The following KAT6B variants were observed in gnomAD, a reference collection of about 807,000 sequenced individuals.
KAT6B encodes the protein histone acetyltransferase KAT6B.
In KAT6B, 10 loss-of-function variants were observed where a neutral mutation model predicts 187.5. The ratio of observed to expected loss-of-function variants is 0.05; its 90% CI spans 0.03 to 0.09. The LOEUF is 0.09. Ranked by LOEUF, KAT6B falls within the 10% of genes least tolerant of loss-of-function variation. KAT6B has a pLI of 1.00. For missense variants in KAT6B, 1,952 were observed against 2,558.9 expected (o/e 0.76, Z 5.12); for synonymous variants, 861 against 926.8 (o/e 0.93, Z 1.29).
At chr10:74,971,737 A>G (rs1175076945) in intron 6 of KAT6B, among the ~76,000 whole-genome samples, 2 of 152,070 alleles carry the variant, frequency 1.3e-5, no homozygotes, top group East Asian at 3.9e-4. Flanking sequence ...TCATGCTTAG[A>G]TTATATAAAT....
At chr10:74,856,635 A>C (rs946047533) in intron 3 of KAT6B, among the ~76,000 whole-genome samples, 2 of 152,104 alleles carry the variant, frequency 1.3e-5, no homozygotes, top group Non-Finnish European at 2.9e-5. Flanking sequence ...GTGGTGGCTC[A>C]CACCTATAAT....
At chr10:74,869,057 A>G (rs1257583864) in intron 3 of KAT6B, among the ~76,000 whole-genome samples, 1 of 152,218 alleles carries the variant, frequency 6.6e-6, no homozygotes, top group Non-Finnish European at 1.5e-5. Context: ...TTCAGATTCT[A>G]TGTCTATACT....
chr10:74,829,021 AAAG>A, intron 1 of KAT6B, among the ~76,000 whole-genome samples: 1 of 151,432 alleles, frequency 6.6e-6, no homozygotes, highest in South Asian at 2.1e-4. Context: ...AAAAAAAAAA[AAAG>A]AAAAGAAAAG....
chr10:75,002,159 G>A (rs1843881982), intron 13 of KAT6B, among the ~76,000 whole-genome samples: 4 of 152,156 alleles, frequency 2.6e-5, no homozygotes, highest in Non-Finnish European at 2.9e-5. Flanking sequence ...CTCAGGAGCT[G>A]TGTAAATTCT....
At chr10:74,832,815 A>T (rs2131968492) in intron 1 of KAT6B, among the ~76,000 whole-genome samples, 1 of 151,858 alleles carries the variant, frequency 6.6e-6, no homozygotes, top group East Asian at 2.0e-4. Flanking sequence ...TCTCTATTTT[A>T]AAAAGTTTTT....
intron 3 of KAT6B, among the ~76,000 whole-genome samples, chr10:74,854,413 C>G (rs1423511840): frequency 1.3e-5 from 2 of 151,914 alleles, no homozygotes; most frequent in Non-Finnish European, 2.9e-5. Flanking sequence ...TATTCTTTTT[C>G]CTTATATAAG....
intron 1 of KAT6B, among the ~76,000 whole-genome samples, chr10:74,837,929 T>G (rs561580922): frequency 8.6e-5 from 13 of 152,040 alleles, no homozygotes; most frequent in African/African-American, 3.1e-4. Context: ...TAATTAACTC[T>G]GTTGGTTGGT....
intron 11 of KAT6B, chr10:74,982,185 A>G (rs560844616): frequency 2.3e-6 from 1 of 439,278 alleles, no homozygotes; most frequent in African/African-American, 2.0e-5. Flanking sequence ...CACTAGATAT[A>G]TTCACCATGA....
upstream of KAT6B, among the ~76,000 whole-genome samples, chr10:74,826,059 C>T (rs1367002509): frequency 1.3e-5 from 2 of 151,838 alleles, no homozygotes; most frequent in East Asian, 2.0e-4. Flanking sequence ...CGCGCCCGCC[C>T]GCGCCCACCC....
At chr10:74,833,059 C>T (rs1429971007) in intron 1 of KAT6B, among the ~76,000 whole-genome samples, 2 of 143,206 alleles carry the variant, frequency 1.4e-5, no homozygotes, top group Admixed American at 7.5e-5. Flanking sequence ...CGTTTGAACC[C>T]GGGAGGCGGA....
intron 1 of KAT6B, among the ~76,000 whole-genome samples, chr10:74,838,098 A>G (rs1404598419): frequency 1.3e-5 from 2 of 152,150 alleles, no homozygotes; most frequent in African/African-American, 4.8e-5. Context: ...TTGCTTTTCA[A>G]GTAAAAATAA....
At chr10:74,884,725 T>A (rs1451246895) in intron 3 of KAT6B, among the ~76,000 whole-genome samples, 1 of 152,110 alleles carries the variant, frequency 6.6e-6, no homozygotes, top group Non-Finnish European at 1.5e-5. Flanking sequence ...CGGGCCACCA[T>A]GCCCGGCTGA....
intron 3 of KAT6B, among the ~76,000 whole-genome samples, chr10:74,861,354 A>G (rs961249995): frequency 6.6e-6 from 1 of 152,246 alleles, no homozygotes; most frequent in Non-Finnish European, 1.5e-5. Context: ...TTCCTTTTCA[A>G]ACGATCATTG....
chr10:74,836,091 T>A (rs1008702034), intron 1 of KAT6B, among the ~76,000 whole-genome samples: 1 of 152,272 alleles, frequency 6.6e-6, no homozygotes, highest in African/African-American at 2.4e-5. Flanking sequence ...TGTGTCTGGC[T>A]TCTTTCACAG....
chr10:74,990,947 C>A (rs1407242142), intron 13 of KAT6B, among the ~76,000 whole-genome samples: 4 of 152,080 alleles, frequency 2.6e-5, no homozygotes, highest in Admixed American at 6.5e-5. Flanking sequence ...GAGCATGGTC[C>A]TATACCTCTA....
In KAT6B at chr10:75,030,991, A is replaced by G. The variant is rs139014890; in HGVS notation, c.6167A>G (p.Tyr2056Cys). The change falls in exon 18 of 18, where the codon TAC (tyrosine) becomes TGC (cysteine). Residue 2056 changes from tyrosine to cysteine, a missense_variant. Tyr to Cys is a radical substitution (Grantham distance 194). Around this residue, in one of 9 missense-constraint regions of KAT6B, gnomAD observed 358 missense variants for 436.3 expected, o/e 0.82. Coordinates refer to ENST00000287239, the MANE Select transcript of KAT6B (RefSeq NM_012330.4). This position sits in a 1 kb window ranked among gnomAD's most constrained non-coding sequence, Gnocchi z 4.8. ...TACACGGCCCCCGGACATCACGGCT[A>G]CATGAACACAGGCATGTCCAAACAG... The part of the protein sequence containing the change: ...MMYTAPGHHG[Y>C]MNTGMSKQSL... 1.2e-5 allele frequency: 19 copies of G among 1,614,114 alleles called. No individual in the cohort carries two copies. Among genetic ancestry groups the G allele is most frequent in the South Asian group, 2.2e-5 (2 of 91,088 alleles).
chr10:75,002,192 T>C (rs1843884284), intron 13 of KAT6B, among the ~76,000 whole-genome samples: 1 of 152,066 alleles, frequency 6.6e-6, no homozygotes, highest in Non-Finnish European at 1.5e-5. Flanking sequence ...ATGAGGGAGA[T>C]CATGAAGCAC....
intron 3 of KAT6B, among the ~76,000 whole-genome samples, chr10:74,882,612 T>C (rs1844931431): frequency 6.6e-6 from 1 of 152,250 alleles, no homozygotes; most frequent in Admixed American, 6.5e-5. Flanking sequence ...ACCTATTTCC[T>C]AATAATTTGT....
Position 75,031,389 on chromosome 10 carries a change from GT to G in KAT6B, c.*347del, listed in dbSNP as rs775933229. On this transcript the variant is annotated 3_prime_UTR_variant, in exon 18 of 18. Coordinates refer to ENST00000287239, the MANE Select transcript of KAT6B (RefSeq NM_012330.4). Reference sequence around the variant, plus strand: ...GATATCAAGCCCCCCCAAATTATCTGTTTTAATATTGAACCTAGAGCTTTTT... The same window carrying G: ...GATATCAAGCCCCCCCAAATTATCTGTTTAATATTGAACCTAGAGCTTTTT... 3 of 389,236 alleles carry G rather than the reference GT, an allele frequency of 7.7e-6. No individual in the cohort carries two copies. The highest frequency in any genetic ancestry group is 9.4e-6 in the Non-Finnish European group (2 of 212,382). 24.1% of individuals were successfully genotyped at this position (389,236 alleles called of 1,614,324 possible). A position where few individuals can be genotyped will look rare whatever the true frequency, so the allele number is the denominator to read the frequency against.
Sources: allele counts gnomAD v4.1 joint callset (sites outside exome capture counted in the v4.1 genomes callset), GRCh38; gene constraint gnomAD v4.1.1; regional missense constraint gnomAD v4.1.1; non-coding constraint Gnocchi (gnomAD v3.1); transcripts MANE v1.5; gene names NCBI Gene and HGNC (gene_info 2026-07-23, HGNC 2026-07-21).